Variants in WDPCP observed in about 807,000 individuals in gnomAD.
WDPCP encodes WD repeat-containing and planar cell polarity effector protein fritz homolog.
WDPCP carries 71 observed loss-of-function variants against 93.1 expected under a neutral mutation model. The observed-to-expected ratio is 0.76, with a 90% CI of 0.63 to 0.93. WDPCP has a LOEUF of 0.93. Ranked by LOEUF, WDPCP falls within the 40% of genes least tolerant of loss-of-function variation. The probability of loss-of-function intolerance (pLI) is 0.00; values close to 1 mark genes in which losing one functional copy is unlikely to be tolerated. For missense variants in WDPCP, 844 were observed against 887.4 expected (o/e 0.95, Z 0.62); for synonymous variants, 315 against 315.0 (o/e 1.00, Z 0.00).
chr2:63,642,578 G>C (rs1433579771), intron 3 of WDPCP: 1 of 151,398 alleles, frequency 6.6e-6, no homozygotes, highest in Admixed American at 6.6e-5. Flanking sequence ...AATGGGATTA[G>C]TATTTTGATT....
intron 3 of WDPCP, among the ~76,000 whole-genome samples, chr2:63,637,224 G>A (rs1355891925): frequency 3.3e-5 from 5 of 151,866 alleles, no homozygotes; most frequent in Non-Finnish European, 4.4e-5. Flanking sequence ...ATGGTGGCAC[G>A]TGCCTTTAAT....
At chr2:63,173,840 G>T (rs1209597619) in intron 15 of WDPCP, among the ~76,000 whole-genome samples, 1 of 152,138 alleles carries the variant, frequency 6.6e-6, no homozygotes, top group Admixed American at 6.5e-5. Flanking sequence ...TTATAGGTGG[G>T]TATGTATAAT....
chr2:63,386,849 T>C (rs958837506), intron 10 of WDPCP, among the ~76,000 whole-genome samples: 1 of 151,810 alleles, frequency 6.6e-6, no homozygotes, highest in South Asian at 2.1e-4. Context: ...CCTCAGAGGA[T>C]ATTAGGAACA....
intron 12 of WDPCP, among the ~76,000 whole-genome samples, chr2:63,364,145 T>A (rs2104697545): frequency 6.6e-6 from 1 of 152,356 alleles, no homozygotes; most frequent in South Asian, 2.1e-4. Flanking sequence ...CATGATTCTT[T>A]GTTTTTTCAT....
intron 14 of WDPCP, among the ~76,000 whole-genome samples, chr2:63,217,521 T>G (rs1240007750): frequency 6.6e-6 from 1 of 152,226 alleles, no homozygotes; most frequent in East Asian, 1.9e-4. Flanking sequence ...AATAATTGGT[T>G]TGATCCTCAA....
intron 13 of WDPCP, among the ~76,000 whole-genome samples, chr2:63,281,392 T>C (rs1304932976): frequency 6.6e-6 from 1 of 152,176 alleles, no homozygotes; most frequent in Non-Finnish European, 1.5e-5. Flanking sequence ...GAATGTAAAC[T>C]AGTACAACCA....
At chr2:63,127,662 CATATATAT>C (rs67091232) in intron 17 of WDPCP, among the ~76,000 whole-genome samples, 17,617 of 131,646 alleles carry the variant, frequency 0.13, 1,376 homozygotes, top group Middle Eastern at 0.23. Flanking sequence ...TGTGTATGTG[CATATATAT>C]ATATATATAT....
chr2:63,740,132 G>T (rs1395434422), intron 2 of WDPCP, among the ~76,000 whole-genome samples: 1 of 152,082 alleles, frequency 6.6e-6, no homozygotes, highest in East Asian at 1.9e-4. Context: ...GCTAGAAAAA[G>T]TGCTGCTACA....
At chr2:63,270,479 G>A (rs905073642) in intron 13 of WDPCP, among the ~76,000 whole-genome samples, 2 of 151,690 alleles carry the variant, frequency 1.3e-5, no homozygotes, top group African/African-American at 2.4e-5. Context: ...AATTATTCAC[G>A]GTGGGGAGGA....
chr2:63,640,286 GT>G (rs1239294105), intron 3 of WDPCP, among the ~76,000 whole-genome samples: 1 of 152,210 alleles, frequency 6.6e-6, no homozygotes, highest in African/African-American at 2.4e-5. Flanking sequence ...GGGATTACAG[GT>G]GTGAGCCACC....
intron 14 of WDPCP, chr2:63,229,695 T>C (rs1227645955): frequency 6.6e-6 from 1 of 151,970 alleles, no homozygotes; most frequent in Non-Finnish European, 1.5e-5. Flanking sequence ...TAGGGAATCC[T>C]TTCCCCATTT....
At chr2:63,353,358 T>C (rs1689773812) in intron 12 of WDPCP, among the ~76,000 whole-genome samples, 1 of 151,984 alleles carries the variant, frequency 6.6e-6, no homozygotes, top group Non-Finnish European at 1.5e-5. Flanking sequence ...AGAGGCTGAA[T>C]CCAAGGGACT....
intron 2 of WDPCP, among the ~76,000 whole-genome samples, chr2:63,784,994 CT>C (rs772198441): frequency 6.6e-6 from 1 of 152,130 alleles, no homozygotes; most frequent in African/African-American, 2.4e-5. Flanking sequence ...ATATACAGAG[CT>C]TGGCTACGCT....
chr2:63,492,944 TTTAAAAAATAA>T lies in WDPCP; in HGVS notation c.76-15_76-5del, dbSNP rs780314107. The T allele has an allele frequency of 1.4e-4, 229 of 1,612,608 alleles. No homozygotes were observed. Among genetic ancestry groups the T allele is most frequent in the Non-Finnish European group, 6.6e-5 (78 of 1,179,360 alleles). ...GATGGCAGAAGGAATCTCTATCCTG[TTTAAAAAATAA>T]TTAAAAAGAGGTGCCAATTAATTAT... On this transcript the variant is annotated splice_polypyrimidine_tract_variant and splice_region_variant and intron_variant, in intron 1 of 17. Coordinates refer to ENST00000272321, the MANE Select transcript of WDPCP (RefSeq NM_015910.7).
At chr2:63,375,723 A>T (rs1011219361) in intron 12 of WDPCP, among the ~76,000 whole-genome samples, 4 of 152,008 alleles carry the variant, frequency 2.6e-5, no homozygotes, top group African/African-American at 7.2e-5. Flanking sequence ...TATTTTAATA[A>T]TCTACATGGT....
At chr2:63,143,032 T>C (rs960426115) in intron 17 of WDPCP, among the ~76,000 whole-genome samples, 1 of 151,856 alleles carries the variant, frequency 6.6e-6, no homozygotes, top group Non-Finnish European at 1.5e-5. Flanking sequence ...CTCACTACAC[T>C]TTCTGCCTCC....
At chr2:63,506,122 C>A (rs1340398101) in intron 1 of WDPCP, among the ~76,000 whole-genome samples, 1 of 152,086 alleles carries the variant, frequency 6.6e-6, no homozygotes, top group Non-Finnish European at 1.5e-5. Context: ...TTTACTAATT[C>A]TAAAGTCACT....
intron 13 of WDPCP, among the ~76,000 whole-genome samples, chr2:63,307,960 T>G (rs1685871698): frequency 6.6e-6 from 1 of 152,098 alleles, no homozygotes; most frequent in African/African-American, 2.4e-5. Context: ...GGGAGAAAAT[T>G]TTTGCAATGT....
At chr2:63,448,034 A>G (rs1697979767) in intron 6 of WDPCP, among the ~76,000 whole-genome samples, 1 of 152,130 alleles carries the variant, frequency 6.6e-6, no homozygotes, top group Admixed American at 6.5e-5. Flanking sequence ...GAGGGAATAA[A>G]GATCTCCACT....
Sources: allele counts gnomAD v4.1 joint callset (sites outside exome capture counted in the v4.1 genomes callset), GRCh38; gene constraint gnomAD v4.1.1; transcripts MANE v1.5; gene names NCBI Gene and HGNC (gene_info 2026-07-23, HGNC 2026-07-21).